RGS12: variants seen among roughly 807,000 people sequenced by gnomAD.
The protein encoded by RGS12 is regulator of G-protein signaling 12.
RGS12 carries 66 observed loss-of-function variants against 120.1 expected under a neutral mutation model. The ratio of observed to expected loss-of-function variants is 0.55; its 90% CI spans 0.45 to 0.67. The LOEUF (loss-of-function observed/expected upper bound fraction) is 0.67, where lower values mean the gene tolerates loss of function less well. Among genes scored for constraint, RGS12 ranks in the 30% least tolerant of loss-of-function variants. The pLI is 0.00. For missense variants in RGS12, 1,859 were observed against 1,957.7 expected (o/e 0.95, Z 0.95); for synonymous variants, 827 against 804.7 (o/e 1.03, Z -0.47).
At chr4:3,362,927 G>C (rs1357521621) in intron 3 of RGS12, among the ~76,000 whole-genome samples, 1 of 148,972 alleles carries the variant, frequency 6.7e-6, no homozygotes, top group Non-Finnish European at 1.5e-5. Context: ...AGGCCATTTG[G>C]AACGCGAAGG....
intron 2 of RGS12, chr4:3,323,941 T>A (rs567694169): frequency 6.6e-6 from 1 of 152,192 alleles, no homozygotes; most frequent in African/African-American, 2.4e-5. Flanking sequence ...AGAATTTGTG[T>A]TATTTTGATG....
At chr4:3,285,976 C>A in the RGS12 span, among the ~76,000 whole-genome samples, 1 of 152,362 alleles carries the variant, frequency 6.6e-6, no homozygotes, top group South Asian at 2.1e-4. Context: ...ACGGCTTCAC[C>A]ACTTCCTGCC....
chr4:3,397,274 G>A (rs961870786), intron 4 of RGS12, among the ~76,000 whole-genome samples: 7 of 152,240 alleles, frequency 4.6e-5, no homozygotes, highest in Non-Finnish European at 1.0e-4. Context: ...GTGGGCTGTG[G>A]TGGGATGCCA....
At chr4:3,349,707 A>G (rs1399090799) in intron 3 of RGS12, among the ~76,000 whole-genome samples, 1 of 152,182 alleles carries the variant, frequency 6.6e-6, no homozygotes, top group Non-Finnish European at 1.5e-5. Flanking sequence ...TCAGTATTTT[A>G]TAGATGAGAA....
chr4:3,340,469 C>T (rs1307701227), intron 2 of RGS12, among the ~76,000 whole-genome samples: 2 of 152,240 alleles, frequency 1.3e-5, no homozygotes, highest in Non-Finnish European at 2.9e-5. Context: ...GAGGGAAGAA[C>T]ATGCACAAAG....
At chr4:3,425,593 G>C in intron 14 of RGS12, 33 bp downstream of exon 14, 2 of 1,565,684 alleles carry the variant, frequency 1.3e-6, no homozygotes, top group African/African-American at 1.4e-5. Context: ...ATGGGGAGAG[G>C]GTGAGTGGGT....
Position 3,439,575 on chromosome 4 carries a change from G to A in RGS12, c.4235G>A (p.Arg1412Lys). The A allele has an allele frequency of 6.2e-7, 1 of 1,611,652 alleles. No individual in the cohort carries two copies. Among genetic ancestry groups the A allele is most frequent in the Non-Finnish European group, 8.5e-7 (1 of 1,179,312 alleles). ...GIAGAQAGPG[R>K]SQASGGPPTS... is the part of the protein sequence containing the mutation. ...GCGGGGGCACAGGCTGGCCCTGGGA[G>A]GTCGCAGGCCAGTGGTGGGCCTCCT... Residue 1412 changes from arginine to lysine, a missense_variant, in exon 18 of 18, where the codon AGG (arginine) becomes AAG (lysine). Transcript: ENST00000336727.
intron 3 of RGS12, among the ~76,000 whole-genome samples, chr4:3,361,588 C>T (rs1408587720): frequency 1.3e-5 from 2 of 152,104 alleles, no homozygotes; most frequent in Admixed American, 1.3e-4. Context: ...GGATGGAAAC[C>T]GAGGGCATGA....
chr4:3,432,779 G>C lies in RGS12; in HGVS notation c.4114+1824G>C, dbSNP rs1431689460. Among the ~76,000 whole-genome samples the C allele has an allele frequency of 4.6e-5, 7 of 152,352 alleles. No individual in the cohort carries two copies. The East Asian group carries it at 1.4e-3, about 29-fold the overall frequency. On this transcript the variant is annotated intron_variant, in intron 17 of 17. Coordinates refer to ENST00000336727, the MANE Select transcript of RGS12 (RefSeq NM_001394154.1). ...TGGCTCCTCAGCCCCTGGGCAGGTGGGTACCCTGGATCCTTGGCTCTTGGG... is the reference window on the plus strand; with the variant it reads ...TGGCTCCTCAGCCCCTGGGCAGGTGCGTACCCTGGATCCTTGGCTCTTGGG...
intron 4 of RGS12, among the ~76,000 whole-genome samples, chr4:3,402,072 A>G (rs1197390728): frequency 1.3e-5 from 2 of 152,242 alleles, no homozygotes; most frequent in East Asian, 3.8e-4. Context: ...GCCAGTGGAC[A>G]TGGGACCAGC....
At chr4:3,347,818 T>C (rs1471594978) in intron 3 of RGS12, among the ~76,000 whole-genome samples, 1 of 152,202 alleles carries the variant, frequency 6.6e-6, no homozygotes, top group African/African-American at 2.4e-5. Flanking sequence ...TAATTAGCAA[T>C]TGACAAGGAA....
In RGS12 at chr4:3,317,777, G is replaced by T; in HGVS notation, c.1607G>T (p.Arg536Leu). The change falls in exon 2 of 18, where the codon CGC becomes CTC. Residue 536 changes from arginine (R) to leucine (L), a missense_variant. Arg to Leu is a moderately radical substitution (Grantham distance 102). This residue lies in a region of RGS12 where 967 missense variants were observed against 994.2 expected (regional missense o/e 0.97). Transcript: ENST00000336727. ...GGTGCTGGCTGTGGTTTCAACCAGCGCTGGCTCCCGGTCCACGTGCTCCGG... is the reference window on the plus strand; with the variant it reads ...GGTGCTGGCTGTGGTTTCAACCAGCTCTGGCTCCCGGTCCACGTGCTCCGG... ...TVGAGCGFNQ[R>L]WLPVHVLREW... 6.2e-7 allele frequency: 1 copy of T among 1,613,422 alleles called. No homozygotes were observed. The highest frequency in any genetic ancestry group is 1.7e-5 in the Admixed American group (1 of 60,034).
intron 3 of RGS12, among the ~76,000 whole-genome samples, chr4:3,359,849 C>T (rs1206520302): frequency 6.6e-6 from 1 of 152,110 alleles, no homozygotes; most frequent in African/African-American, 2.4e-5. Flanking sequence ...TCTCGAACTC[C>T]TGACCTCAGG....
At chr4:3,403,806 G>T (rs1720837542) in intron 4 of RGS12, among the ~76,000 whole-genome samples, 2 of 152,248 alleles carry the variant, frequency 1.3e-5, no homozygotes, top group Non-Finnish European at 2.9e-5. Flanking sequence ...TGGGAAGAAA[G>T]GCCTCATTGC....
At chr4:3,353,377 C>T (rs1435009368) in intron 3 of RGS12, among the ~76,000 whole-genome samples, 2 of 152,188 alleles carry the variant, frequency 1.3e-5, no homozygotes, top group Non-Finnish European at 2.9e-5. Flanking sequence ...GGTACCACAT[C>T]TGGCACAGCA....
chr4:3,322,559 C>T (rs938924386), intron 2 of RGS12, among the ~76,000 whole-genome samples: 1 of 152,066 alleles, frequency 6.6e-6, no homozygotes, highest in Non-Finnish European at 1.5e-5. Context: ...AATTCTGTGT[C>T]TCTGCAAACT....
In RGS12 at chr4:3,431,339, A is replaced by C. The variant is rs1724282111; in HGVS notation, c.4114+384A>C. 1.2e-5 allele frequency: 13 copies of C among 1,066,874 alleles called. No individual in the cohort carries two copies. In the South Asian group the frequency reaches 3.9e-4, roughly 32 times the overall value. The allele number at this position is 1,066,874 out of a possible 1,614,324, so 66.1% of individuals were successfully genotyped here. A position where few individuals can be genotyped will look rare whatever the true frequency, so the allele number is the denominator to read the frequency against. On this transcript the variant is annotated intron_variant, in intron 17 of 17. Transcript: ENST00000336727. The stretch of plus-strand genomic sequence containing the variant: ...TCGTTTTTAGTGTTTCTGTCTCAAG[A>C]CTGGAAAACAATAGCATTTGTCTTG...
At chr4:3,318,179 CCAT>C in intron 2 of RGS12, 128 bp downstream of exon 2, 4 of 820,884 alleles carry the variant, frequency 4.9e-6, no homozygotes, top group Non-Finnish European at 7.7e-6. Context: ...GCCTCTGTGG[CCAT>C]CACAGGGTGT....
In RGS12 at chr4:3,327,457, C is replaced by T. The variant is rs150207392; in HGVS notation, c.1881+9406C>T. Among the ~76,000 whole-genome samples the T allele has an allele frequency of 2.5e-3, 386 of 152,262 alleles. 1 individual carries two copies. The highest frequency in any genetic ancestry group is 8.8e-3 in the African/African-American group (366 of 41,558). On this transcript the variant is annotated intron_variant, in intron 2 of 17. Coordinates refer to ENST00000336727, the MANE Select transcript of RGS12 (RefSeq NM_001394154.1). ...AAGTGGGACTTAAAGAACTTCTGCA[C>T]AGCAAAAGAAATAATCAACAGAGTG...
Sources: gnomAD v4.1 joint callset for allele counts (sites outside exome capture counted in the v4.1 genomes callset) on GRCh38, gnomAD v4.1.1 for gene constraint, gnomAD v4.1.1 regional missense constraint, MANE v1.5 for transcripts, NCBI Gene and HGNC (gene_info 2026-07-23, HGNC 2026-07-21) for gene names.